Variants in DLC1 observed in about 807,000 individuals in gnomAD.
DLC1 encodes DLC1 Rho GTPase activating protein, also known as rho GTPase-activating protein 7.
In DLC1, 54 loss-of-function variants were observed where a neutral mutation model predicts 140.3. The observed-to-expected ratio is 0.38, with a 90% CI of 0.31 to 0.48. The LOEUF is 0.48. DLC1 is among the 20% of genes least tolerant of loss of function. The probability of loss-of-function intolerance (pLI) is 0.96; values close to 1 mark genes in which losing one functional copy is unlikely to be tolerated. For missense variants in DLC1, 2,536 were observed against 1,907.0 expected (o/e 1.33, Z -6.14); for synonymous variants, 986 against 728.1 (o/e 1.35, Z -5.70).
At chr8:13,542,971 A>G (rs1460566042) in intron 1 of DLC1, among the ~76,000 whole-genome samples, 8 of 152,080 alleles carry the variant, frequency 5.3e-5, no homozygotes, top group Admixed American at 5.2e-4. Context: ...TGAAATTATG[A>G]TATGATTTGT....
chr8:13,580,930 A>C (rs1805072241), intron 1 of DLC1, among the ~76,000 whole-genome samples: 1 of 152,174 alleles, frequency 6.6e-6, no homozygotes, highest in Non-Finnish European at 1.5e-5. Context: ...CCCAGCATGA[A>C]CTGAGTCTTG....
chr8:13,472,578 G>C (rs946613793), intron 2 of DLC1, among the ~76,000 whole-genome samples: 5 of 152,152 alleles, frequency 3.3e-5, no homozygotes, highest in Non-Finnish European at 7.3e-5. Context: ...CTAGGACATA[G>C]TTGAAACCCC....
intron 5 of DLC1, among the ~76,000 whole-genome samples, chr8:13,295,836 G>C (rs1831921713): frequency 6.8e-6 from 1 of 147,584 alleles, no homozygotes. Context: ...ACGTATTTGT[G>C]TATATATTCA....
intron 4 of DLC1, among the ~76,000 whole-genome samples, chr8:13,379,456 T>C (rs1047109380): frequency 2.6e-5 from 4 of 152,244 alleles, no homozygotes; most frequent in African/African-American, 9.6e-5. Flanking sequence ...ACACTTACAT[T>C]AACCTACAGT....
intron 5 of DLC1, among the ~76,000 whole-genome samples, chr8:13,221,726 GTATA>G (rs377039517): frequency 0.029 from 3,856 of 132,410 alleles, 63 homozygotes; most frequent in South Asian, 0.068. Flanking sequence ...GTGTGTGTGT[GTATA>G]TATATATATA....
intron 4 of DLC1, among the ~76,000 whole-genome samples, chr8:13,390,984 C>CAAAAAAAAAA (rs1430798740): frequency 0.055 from 3,880 of 70,160 alleles, 111 homozygotes; most frequent in African/African-American, 0.1. Context: ...GACTCCGTCT[C>CAAAAAAAAAA]AAAAAAAAAA....
chr8:13,433,147 ATT>A (rs1391856439), intron 2 of DLC1, among the ~76,000 whole-genome samples: 2 of 152,076 alleles, frequency 1.3e-5, no homozygotes, highest in Non-Finnish European at 2.9e-5. Flanking sequence ...GAGAACAGGC[ATT>A]CCTATTCCAT....
At chr8:13,332,496 T>C (rs1833636372) in intron 4 of DLC1, among the ~76,000 whole-genome samples, 1 of 151,852 alleles carries the variant, frequency 6.6e-6, no homozygotes, top group African/African-American at 2.4e-5. Flanking sequence ...AGTGGCACGA[T>C]CTCGGCTCAT....
chr8:13,365,261 C>T (rs1835426719), intron 4 of DLC1, among the ~76,000 whole-genome samples: 1 of 152,092 alleles, frequency 6.6e-6, no homozygotes, highest in South Asian at 2.1e-4. Context: ...TCCTTTAGAA[C>T]AAAAGCATGC....
At chr8:13,521,014 G>A (rs1802748718) in intron 1 of DLC1, among the ~76,000 whole-genome samples, 1 of 152,072 alleles carries the variant, frequency 6.6e-6, no homozygotes, top group African/African-American at 2.4e-5. Flanking sequence ...CAGCCCATGA[G>A]TGATAGACTG....
intron 1 of DLC1, chr8:13,557,762 C>G (rs1185654876): frequency 6.6e-6 from 1 of 151,864 alleles, no homozygotes; most frequent in East Asian, 1.9e-4. Context: ...TTAAAATTAC[C>G]CAGTCTTGGG....
intron 4 of DLC1, among the ~76,000 whole-genome samples, chr8:13,358,704 T>G (rs1192030480): frequency 6.6e-6 from 1 of 151,684 alleles, no homozygotes; most frequent in Non-Finnish European, 1.5e-5. Flanking sequence ...AAAAAAATGC[T>G]AACAAAGATA....
At chr8:13,367,475 C>T (rs1040527715) in intron 4 of DLC1, among the ~76,000 whole-genome samples, 1 of 152,184 alleles carries the variant, frequency 6.6e-6, no homozygotes, top group Admixed American at 6.5e-5. Flanking sequence ...AAAGCAGCCT[C>T]CACCTACCAA....
chr8:13,109,003 G>A (rs1046313126), intron 7 of DLC1, among the ~76,000 whole-genome samples: 1 of 152,086 alleles, frequency 6.6e-6, no homozygotes, highest in Non-Finnish European at 1.5e-5. Context: ...TCATTTAATT[G>A]GACTACAAAA....
rs568515592 is a variant in DLC1, at chr8:13,205,958, T to G, written c.1349-90301A>C. Among the ~76,000 whole-genome samples, 5 of 152,308 alleles carry G rather than the reference T, an allele frequency of 3.3e-5. No individual in the cohort carries two copies. In the East Asian group the frequency reaches 9.6e-4, roughly 29 times the overall value. On this transcript the variant is annotated intron_variant, in intron 5 of 17. Coordinates refer to ENST00000276297, the MANE Select transcript of DLC1 (RefSeq NM_182643.3). ...ATTTCTGCCTCCACCTTCTCCCCCA[T>G]GGAAGGATCAAGAAGACTATTAAAA...
At position 13,477,101 on chromosome 8, in the gene DLC1, C is replaced by A. The variant is rs544199308; in HGVS notation, c.1023+21948G>T. Among the ~76,000 whole-genome samples the A allele has an allele frequency of 1.2e-4, 18 of 152,282 alleles. 1 individual carries two copies. The South Asian group carries it at 2.9e-3, about 25-fold the overall frequency. ...CTGCTAGACAGCTTCCTATTTCTCA[C>A]TATTCCATGTCAGTTACTGAAGCTA... On this transcript the variant is annotated intron_variant, in intron 2 of 17. Transcript: ENST00000276297.
intron 8 of DLC1, 87 bp downstream of exon 8, chr8:13,102,703 A>T: frequency 8.3e-7 from 1 of 1,201,660 alleles, no homozygotes; most frequent in Non-Finnish European, 1.2e-6. Flanking sequence ...TAAGAGTTGG[A>T]GAAACAAAAC....
At chr8:13,413,256 A>ATCTTTTTTTTTTTTTTTTTT (rs1837875443) in intron 2 of DLC1, among the ~76,000 whole-genome samples, 1 of 82,006 alleles carries the variant, frequency 1.2e-5, no homozygotes, top group Non-Finnish European at 2.3e-5. Flanking sequence ...TTTTTTTGCG[A>ATCTTTTTTTTTTTTTTTTTT]TTTTTTTTTT....
At chr8:13,279,395 G>C (rs1225912130) in intron 5 of DLC1, among the ~76,000 whole-genome samples, 1 of 152,190 alleles carries the variant, frequency 6.6e-6, no homozygotes, top group East Asian at 1.9e-4. Flanking sequence ...CCTATTCCTA[G>C]TGCAGGTTGC....
Sources: gnomAD v4.1 joint callset for allele counts (sites outside exome capture counted in the v4.1 genomes callset) on GRCh38, gnomAD v4.1.1 for gene constraint, MANE v1.5 for transcripts, NCBI Gene and HGNC (gene_info 2026-07-23, HGNC 2026-07-21) for gene names.